Variants in TIMELESS observed in about 807,000 individuals in gnomAD.
TIMELESS encodes the protein protein timeless homolog.
Under a neutral mutation model 164.3 loss-of-function variants are expected in TIMELESS, and 124 were observed. The observed-to-expected ratio is 0.75, with a 90% CI of 0.65 to 0.88. The LOEUF (loss-of-function observed/expected upper bound fraction) is 0.88. Among genes scored for constraint, TIMELESS ranks in the 40% least tolerant of loss-of-function variants. The pLI is 0.00. For missense variants in TIMELESS, 1,422 were observed against 1,491.4 expected, an observed-to-expected ratio of 0.95 and a Z score of 0.77; for synonymous variants, 564 against 563.4, an observed-to-expected ratio of 1.00 and a Z score of -0.02.
At chr12:56,422,262 G>C (rs1881523281) in intron 19 of TIMELESS, 71 bp from the exon 20 acceptor site, 1 of 1,379,462 alleles carries the variant, frequency 7.2e-7, no homozygotes, top group African/African-American at 1.4e-5. Flanking sequence ...GGCCTTCTCT[G>C]ATCAGTTCTG....
intron 1 of TIMELESS, among the ~76,000 whole-genome samples, chr12:56,445,047 T>A (rs9737784): frequency 0.024 from 3,658 of 151,928 alleles, 119 homozygotes; most frequent in African/African-American, 0.081. Context: ...GCTGAACTCA[T>A]CTTCCCAAGT....
chr12:56,422,900 C>A lies in TIMELESS; in HGVS notation c.2385G>T (p.Lys795Asn). ...QKAFVELLFW[K>N]NTAVVREMTE... ...TCATCTCTCGAACCACAGCTGTGTTCTTCCAGAACAACAGCTCCACAAAGG... is the reference window on the plus strand; with the variant it reads ...TCATCTCTCGAACCACAGCTGTGTTATTCCAGAACAACAGCTCCACAAAGG... Residue 795 changes from lysine to asparagine, a missense_variant, in exon 19 of 29, where the codon AAG (lysine) becomes AAT (asparagine). Physicochemically the swap from Lys to Asn is moderately conservative, Grantham distance 94. Coordinates refer to ENST00000553532, the MANE Select transcript of TIMELESS (RefSeq NM_003920.5). 1.3e-6 allele frequency: 2 copies of A among 1,555,130 alleles called. No individual in the cohort carries two copies. Among genetic ancestry groups the A allele is most frequent in the Non-Finnish European group, 1.7e-6 (2 of 1,143,386 alleles).
At position 56,444,730 on chromosome 12, in the gene TIMELESS, G is replaced by GAT. The variant is rs373802975; in HGVS notation, c.-62+4579_-62+4580insAT. ...CCTGTCCTAGCTCATCTTAAGGGGGGAAAAATCCAACATAAAATAAAACTT... is the reference window on the plus strand; with the variant it reads ...CCTGTCCTAGCTCATCTTAAGGGGGGATAAAAATCCAACATAAAATAAAACTT... On this transcript the variant is annotated intron_variant, in intron 1 of 28. Transcript: ENST00000553532. Among the ~76,000 whole-genome samples, 406 of 151,934 alleles carry GAT rather than the reference G, an allele frequency of 2.7e-3. 3 individuals are homozygous for GAT. Among genetic ancestry groups the GAT allele is most frequent in the African/African-American group, 9.4e-3 (389 of 41,354 alleles).
At chr12:56,431,132 T>C (rs573214931) in intron 8 of TIMELESS, among the ~76,000 whole-genome samples, 164 bp from the exon 9 acceptor site, 2 of 151,406 alleles carry the variant, frequency 1.3e-5, no homozygotes, top group African/African-American at 4.8e-5. Flanking sequence ...GGCAGGCGGA[T>C]CACCTGAGGT....
chr12:56,443,934 TGTC>T (rs924298927), intron 1 of TIMELESS, among the ~76,000 whole-genome samples: 2 of 150,748 alleles, frequency 1.3e-5, no homozygotes, highest in African/African-American at 2.5e-5. Context: ...AGTCTTGCTC[TGTC>T]ATACAGGCTG....
At chr12:56,430,999 T>G in intron 8 of TIMELESS, 31 bp from the exon 9 acceptor site, 2 of 1,450,000 alleles carry the variant, frequency 1.4e-6, no homozygotes, top group Non-Finnish European at 1.9e-6. Flanking sequence ...AAGGTGATTT[T>G]TCAGTTCTCT....
In TIMELESS at chr12:56,421,428, G is replaced by C. The variant is rs1198657119; in HGVS notation, c.2791C>G (p.Leu931Val). ...TCAGCCACCAGCCCCAGAGCCAAGA[G>C]TTTATCCACTATTCGGGCCCGTGAG... is the stretch of plus-strand genomic sequence containing the variant. ...KRSRARIVDK[L>V]LALGLVAERR... Residue 931 changes from leucine to valine, a missense_variant, in exon 23 of 29, where the codon CTC becomes GTC. Transcript: ENST00000553532. 6.2e-7 allele frequency: 1 copy of C among 1,614,148 alleles called. No homozygotes were observed. The highest frequency in any genetic ancestry group is 1.7e-5 in the Admixed American group (1 of 60,006).
intron 8 of TIMELESS, 31 bp from the exon 9 acceptor site, chr12:56,430,999 T>C: frequency 6.9e-7 from 1 of 1,450,000 alleles, no homozygotes; most frequent in South Asian, 1.3e-5. Context: ...AAGGTGATTT[T>C]TCAGTTCTCT....
intron 1 of TIMELESS, among the ~76,000 whole-genome samples, chr12:56,440,276 C>G (rs1186185014): frequency 1.3e-5 from 2 of 151,580 alleles, no homozygotes; most frequent in East Asian, 3.9e-4. Flanking sequence ...GTAGCTGGGA[C>G]TACAGGCACG....
At chr12:56,431,370 A>AAAC (rs375865166) in intron 8 of TIMELESS, 101 bp downstream of exon 8, 97,237 of 1,316,878 alleles carry the variant, frequency 0.074, 2,224 homozygotes, top group East Asian at 0.091. Context: ...AAAAAAAAAA[A>AAAC]AACACTAAAA....
chr12:56,428,967 G>A lies in TIMELESS; in HGVS notation c.1220C>T (p.Thr407Ile). 6.2e-7 allele frequency: 1 copy of A among 1,614,176 alleles called. No individual in the cohort carries two copies. The highest frequency in any genetic ancestry group is 2.2e-5 in the East Asian group (1 of 44,878). Residue 407 changes from threonine to isoleucine, a missense_variant, in exon 11 of 29, where the codon ACC becomes ATC. By Grantham distance (89) the Thr-to-Ile change is moderately conservative. Transcript: ENST00000553532. Reference sequence around the variant, plus strand: ...GAGGTTCTGCTCAATGAAGTGGAAGGTACGGACACTGAGGGTCTCAGAAAC... The same window carrying A: ...GAGGTTCTGCTCAATGAAGTGGAAGATACGGACACTGAGGGTCTCAGAAAC... Reference protein sequence around the residue: ...GLVSETLSVRTFHFIEQNLTN... With the variant: ...GLVSETLSVRIFHFIEQNLTN...
At chr12:56,422,814 C>T (rs932343477) in intron 19 of TIMELESS, 33 bp downstream of exon 19, 2 of 915,562 alleles carry the variant, frequency 2.2e-6, no homozygotes, top group African/African-American at 3.4e-5. Flanking sequence ...ACTTCCCCTA[C>T]CCCCACCCAC....
chr12:56,433,726 C>T, intron 3 of TIMELESS, 47 bp downstream of exon 3: 1 of 1,613,670 alleles, frequency 6.2e-7, no homozygotes, highest in Non-Finnish European at 8.5e-7. Flanking sequence ...TCAGCTCAAA[C>T]ACCAAAGCCT....
At position 56,421,442 on chromosome 12, in the gene TIMELESS, C is replaced by G. The variant is rs537965247; in HGVS notation, c.2777G>C (p.Arg926Pro). The G allele has an allele frequency of 6.2e-7, 1 of 1,614,084 alleles. No individual in the cohort carries two copies. Among genetic ancestry groups the G allele is most frequent in the East Asian group, 2.2e-5 (1 of 44,882 alleles). ...CAGAGCCAAGAGTTTATCCACTATT[C>G]GGGCCCGTGAGCGTTTGGCTGTGAT... Reference protein sequence around the residue: ...KNITAKRSRARIVDKLLALGL... With the variant: ...KNITAKRSRAPIVDKLLALGL... Residue 926 changes from arginine (R) to proline (P), a missense_variant, in exon 23 of 29, where the codon CGA (arginine) becomes CCA (proline). Arg to Pro is a moderately radical substitution (Grantham distance 103). Transcript: ENST00000553532.
rs866775574 is a variant in TIMELESS, at chr12:56,434,818, A to T, written c.-61-587T>A. 7.9e-5 allele frequency among the ~76,000 whole-genome samples: 12 copies of T among 152,154 alleles called. No individual in the cohort carries two copies. In the South Asian group the frequency reaches 2.5e-3, roughly 31 times the overall value. On this transcript the variant is annotated intron_variant, in intron 1 of 28. Coordinates refer to ENST00000553532, the MANE Select transcript of TIMELESS (RefSeq NM_003920.5). ...TATAATCTCAGCATTTTAGGAGGCC[A>T]AGACATGATGATCATTTGCCCCAGT...
intron 5 of TIMELESS, 90 bp from the exon 6 acceptor site, chr12:56,433,217 A>C: frequency 7.0e-7 from 1 of 1,437,378 alleles, no homozygotes; most frequent in Non-Finnish European, 9.8e-7. Context: ...GAAGAGAAGC[A>C]GGATTAAAAA....
At chr12:56,447,856 C>T (rs1235445440) in intron 1 of TIMELESS, among the ~76,000 whole-genome samples, 2 of 152,098 alleles carry the variant, frequency 1.3e-5, no homozygotes, top group Non-Finnish European at 2.9e-5. Flanking sequence ...AAGAGAAGTT[C>T]GCTTGGCAGA....
chr12:56,444,064 ATT>A (rs1160141415), intron 1 of TIMELESS, among the ~76,000 whole-genome samples: 1 of 151,884 alleles, frequency 6.6e-6, no homozygotes, highest in Non-Finnish European at 1.5e-5. Context: ...CGCTTGGCTA[ATT>A]TTTGTATTTT....
intron 10 of TIMELESS, among the ~76,000 whole-genome samples, chr12:56,429,769 G>C (rs1881810927): frequency 6.6e-6 from 1 of 150,616 alleles, no homozygotes; most frequent in Non-Finnish European, 1.5e-5. Context: ...CACTGCCTCA[G>C]CCTCTCAAAG....
Sources: allele counts gnomAD v4.1 joint callset (sites outside exome capture counted in the v4.1 genomes callset), GRCh38; gene constraint gnomAD v4.1.1; transcripts MANE v1.5; gene names NCBI Gene and HGNC (gene_info 2026-07-23, HGNC 2026-07-21).